Variants in COBLL1 observed in about 807,000 individuals in gnomAD.
The protein encoded by COBLL1 is cordon-bleu protein-like 1.
In COBLL1, 50 loss-of-function variants were observed where a neutral mutation model predicts 94.8. The observed-to-expected ratio is 0.53, with a 90% confidence interval of 0.42 to 0.67. The LOEUF is 0.67. Among genes scored for constraint, COBLL1 ranks in the 30% least tolerant of loss-of-function variants. The pLI is 0.00. For missense variants in COBLL1, 1,362 were observed against 1,348.7 expected (o/e 1.01, Z -0.15); for synonymous variants, 448 against 473.8 (o/e 0.95, Z 0.71).
rs938076200 is a variant in COBLL1 at position 164,687,974 on chromosome 2, T to C, written c.3301-1942A>G. Among the ~76,000 whole-genome samples, 8 of 152,260 alleles carry C rather than the reference T, an allele frequency of 5.3e-5. No individual in the cohort carries two copies. In the East Asian group the frequency reaches 1.5e-3, roughly 29 times the overall value. ...GCTCATTGTACCACCATATACAGAA[T>C]CCACTTAAATGTCCACAAATAATGA... On this transcript the variant is annotated intron_variant, in intron 13 of 13. Transcript: ENST00000652658.
At chr2:164,667,553 T>C (rs891884965) in intron 1 of COBLL1, among the ~76,000 whole-genome samples, 1 of 152,246 alleles carries the variant, frequency 6.6e-6, no homozygotes, top group African/African-American at 2.4e-5. Context: ...TGATCTAATC[T>C]AGATCTTCTG....
intron 2 of COBLL1, among the ~76,000 whole-genome samples, chr2:164,818,081 CATGTATAT>C (rs774295662): frequency 1.5e-4 from 23 of 151,284 alleles, no homozygotes; most frequent in Non-Finnish European, 3.1e-4. Flanking sequence ...ATATGTACAT[CATGTATAT>C]ATGTATATAC....
chr2:164,831,636 A>G (rs150892310), intron 2 of COBLL1, among the ~76,000 whole-genome samples: 19 of 152,194 alleles, frequency 1.2e-4, no homozygotes, highest in Non-Finnish European at 2.5e-4. Flanking sequence ...CCACTCCCAC[A>G]GTGTAGCAGG....
At chr2:164,690,840 T>C (rs1683554114) in intron 13 of COBLL1, among the ~76,000 whole-genome samples, 1 of 152,168 alleles carries the variant, frequency 6.6e-6, no homozygotes, top group Admixed American at 6.6e-5. Flanking sequence ...AAACCAGTAG[T>C]GCTTGGTTTG....
intron 7 of COBLL1, among the ~76,000 whole-genome samples, chr2:164,720,310 C>A (rs1253540835): frequency 6.6e-6 from 1 of 151,918 alleles, no homozygotes; most frequent in Admixed American, 6.6e-5. Context: ...ACAGGGGCAG[C>A]AACTGGTCAC....
chr2:164,733,347 C>G (rs1379124014), intron 3 of COBLL1, among the ~76,000 whole-genome samples: 2 of 152,114 alleles, frequency 1.3e-5, no homozygotes, highest in Non-Finnish European at 2.9e-5. Flanking sequence ...ACTTTACACA[C>G]TATATCAGAT....
At chr2:164,819,520 G>A (rs934053508) in intron 2 of COBLL1, among the ~76,000 whole-genome samples, 3 of 151,868 alleles carry the variant, frequency 2.0e-5, no homozygotes, top group African/African-American at 7.3e-5. Flanking sequence ...ATTTGACAAC[G>A]TAAAAAAAAA....
chr2:164,668,280 A>G (rs1691196535), intron 1 of COBLL1, among the ~76,000 whole-genome samples: 1 of 152,142 alleles, frequency 6.6e-6, no homozygotes, highest in African/African-American at 2.4e-5. Flanking sequence ...GGCTTTTGAC[A>G]TGCCTTCCTC....
intron 2 of COBLL1, among the ~76,000 whole-genome samples, chr2:164,661,012 C>T (rs545855743): frequency 3.3e-5 from 5 of 152,236 alleles, no homozygotes; most frequent in Admixed American, 2.0e-4. Context: ...AACATAAAAT[C>T]TTTCATGTGC....
At position 164,722,412 on chromosome 2, in the gene COBLL1, A is replaced by C; in HGVS notation, c.759+13T>G. The C allele has an allele frequency of 6.6e-7, 1 of 1,509,040 alleles. No individual in the cohort carries two copies. 93.5% of individuals were successfully genotyped at this position (1,509,040 alleles called of 1,614,324 possible). On this transcript the variant is annotated intron_variant, in intron 6 of 13. Coordinates refer to ENST00000652658, the MANE Select transcript of COBLL1 (RefSeq NM_001365672.2). ...GAAGAATCTTACAAAATGCAATATA[A>C]GAAAATACTTACTTGGTCTCGCTTT...
In COBLL1 at chr2:164,680,471, A is replaced by G. The variant is rs1041518247; in HGVS notation, c.*5475T>C. On this transcript the variant is annotated 3_prime_UTR_variant, in exon 14 of 14. Transcript: ENST00000652658. The stretch of plus-strand genomic sequence containing the variant: ...TTTTCCCCATTCATAACATGGGGGC[A>G]TCGCTGAGGGAGAACTACCAAGGAG... 3 of 152,112 alleles carry G rather than the reference A, an allele frequency of 2.0e-5. No individual in the cohort carries two copies. Among genetic ancestry groups the G allele is most frequent in the Admixed American group, 6.6e-5 (1 of 15,260 alleles). 9.4% of individuals were successfully genotyped at this position (152,112 alleles called of 1,614,324 possible).
chr2:164,729,088 A>G (rs1022033268), intron 4 of COBLL1, among the ~76,000 whole-genome samples: 3 of 152,008 alleles, frequency 2.0e-5, no homozygotes, highest in African/African-American at 4.8e-5. Context: ...ATACCTAGAC[A>G]GAAGGCAGTC....
At chr2:164,686,492 T>A (rs984773014) in intron 13 of COBLL1, among the ~76,000 whole-genome samples, 1 of 152,044 alleles carries the variant, frequency 6.6e-6, no homozygotes, top group Non-Finnish European at 1.5e-5. Context: ...CCCTATTTAT[T>A]CAAAACAAAA....
At chr2:164,741,700 C>T (rs1227760358) in intron 3 of COBLL1, among the ~76,000 whole-genome samples, 3 of 151,976 alleles carry the variant, frequency 2.0e-5, no homozygotes, top group Non-Finnish European at 4.4e-5. Context: ...TGGAAAGTTA[C>T]TCAGATTTAG....
intron 1 of COBLL1, among the ~76,000 whole-genome samples, chr2:164,667,499 C>T (rs557353059): frequency 9.9e-5 from 15 of 152,164 alleles, no homozygotes; most frequent in Non-Finnish European, 2.1e-4. Flanking sequence ...GCTGTTTTGT[C>T]TATGTTAAAA....
At chr2:164,710,052 C>T (rs1418773544) in intron 7 of COBLL1, among the ~76,000 whole-genome samples, 1 of 151,826 alleles carries the variant, frequency 6.6e-6, no homozygotes, top group Non-Finnish European at 1.5e-5. Flanking sequence ...TTTTTGTTGT[C>T]ATAAGACACA....
At chr2:164,747,770 G>A (rs955989836) in intron 2 of COBLL1, among the ~76,000 whole-genome samples, 6 of 152,076 alleles carry the variant, frequency 3.9e-5, no homozygotes, top group Admixed American at 2.6e-4. Context: ...CCACCACACT[G>A]GGGCATTTAC....
At position 164,692,321 on chromosome 2, in the gene COBLL1, C is replaced by A; in HGVS notation, c.3200G>T (p.Arg1067Ile). The A allele has an allele frequency of 6.2e-7, 1 of 1,613,552 alleles. No homozygotes were observed. Among genetic ancestry groups the A allele is most frequent in the Non-Finnish European group, 8.5e-7 (1 of 1,179,652 alleles). Reference sequence around the variant, plus strand: ...GCTTTGGAATGTTAAAGAACTTTGTCTCATAACAGTGAATGATGGGCCATC... The same window carrying A: ...GCTTTGGAATGTTAAAGAACTTTGTATCATAACAGTGAATGATGGGCCATC... ...PTDGPSFTVMRQSSLTFQSSD... is the reference protein window; with the variant it reads ...PTDGPSFTVMIQSSLTFQSSD... The change falls in exon 13 of 14, where the codon AGA becomes ATA. Residue 1067 changes from arginine to isoleucine, a missense_variant. By Grantham distance (97) the Arg-to-Ile change is moderately conservative (BLOSUM62 -3). Transcript: ENST00000652658.
intron 13 of COBLL1, chr2:164,687,376 T>G: frequency 1.3e-6 from 1 of 768,436 alleles, no homozygotes; most frequent in Non-Finnish European, 2.3e-6. Flanking sequence ...AGCCACCATG[T>G]CTTCAAATTC....
Sources: allele counts gnomAD v4.1 joint callset (sites outside exome capture counted in the v4.1 genomes callset), GRCh38; gene constraint gnomAD v4.1.1; transcripts MANE v1.5; gene names NCBI Gene and HGNC (gene_info 2026-07-23, HGNC 2026-07-21).